Variants in INPP5B observed in about 807,000 individuals in gnomAD.
INPP5B encodes the protein type II inositol 1,4,5-trisphosphate 5-phosphatase.
Under a neutral mutation model 118.5 loss-of-function variants are expected in INPP5B, and 90 were observed. That is an observed-to-expected ratio of 0.76 (90% CI 0.64 to 0.90). The LOEUF (loss-of-function observed/expected upper bound fraction) is 0.90, where lower values mean the gene tolerates loss of function less well. Among genes scored for constraint, INPP5B ranks in the 40% least tolerant of loss-of-function variants. INPP5B has a pLI of 0.00. For synonymous variants in INPP5B, 385 were observed against 418.9 expected, an observed-to-expected ratio of 0.92 and a Z score of 0.99; for missense variants, 984 against 1,125.6, an observed-to-expected ratio of 0.87 and a Z score of 1.80.
chr1:37,901,792 T>A (rs913611298), intron 7 of INPP5B, among the ~76,000 whole-genome samples: 1 of 152,046 alleles, frequency 6.6e-6, no homozygotes, highest in Non-Finnish European at 1.5e-5. Flanking sequence ...CTTGACCAGA[T>A]TTGCCATTAC....
At chr1:37,946,229 C>T (rs377422148) in intron 2 of INPP5B, 23 bp downstream of exon 2, 35 of 1,603,352 alleles carry the variant, frequency 2.2e-5, no homozygotes, top group South Asian at 1.1e-4. Context: ...GGCTCAGGGC[C>T]GCAGTTAGCA....
At chr1:37,913,774 A>G (rs778505102) in intron 7 of INPP5B, among the ~76,000 whole-genome samples, 1 of 152,176 alleles carries the variant, frequency 6.6e-6, no homozygotes, top group Non-Finnish European at 1.5e-5. Flanking sequence ...TCTTATTAAT[A>G]TAAGAAGACA....
intron 13 of INPP5B, chr1:37,883,866 C>T (rs1237899129): frequency 1.0e-6 from 1 of 984,772 alleles, no homozygotes; most frequent in Admixed American, 6.2e-5. Context: ...TGGCTTCTTC[C>T]TCTTTATAAA....
chr1:37,931,915 C>T lies in INPP5B; in HGVS notation c.530G>A (p.Gly177Glu). The change falls in exon 7 of 24, where the codon GGA (glycine) becomes GAA (glutamate). Residue 177 changes from glycine to glutamate, a missense_variant and splice_region_variant. Gly to Glu is a moderately conservative substitution (Grantham distance 98, BLOSUM62 -2). Coordinates refer to ENST00000373024, the MANE Select transcript of INPP5B (RefSeq NM_005540.3). The part of the protein sequence containing the change: ...VTWPGYATIG[G>E]GGSNFDGLRP... ...TTTCTTCCGGGACGGATACCTGCCTCCGCCAATTGTCGCGTACCCTGGCCA... is the reference window on the plus strand; with the variant it reads ...TTTCTTCCGGGACGGATACCTGCCTTCGCCAATTGTCGCGTACCCTGGCCA... 6.2e-7 allele frequency: 1 copy of T among 1,614,084 alleles called. No individual in the cohort carries two copies. Among genetic ancestry groups the T allele is most frequent in the Non-Finnish European group, 8.5e-7 (1 of 1,180,042 alleles).
chr1:37,888,297 C>T lies in INPP5B; in HGVS notation c.845G>A (p.Cys282Tyr), dbSNP rs748094208. ...ACCATTGCTCAGCCACAGCCGGAGG[C>T]ATTCTTTGGGGGACTGCCCATTTAC... ...YNVNGQSPKE[C>Y]LRLWLSNGIQ... The change falls in exon 10 of 24, where the codon TGC becomes TAC. Residue 282 changes from cysteine to tyrosine, a missense_variant. Coordinates refer to ENST00000373024, the MANE Select transcript of INPP5B (RefSeq NM_005540.3). The T allele has an allele frequency of 1.3e-6, 2 of 1,580,010 alleles. No individual in the cohort carries two copies. The highest frequency in any genetic ancestry group is 1.7e-6 in the Non-Finnish European group (2 of 1,163,326).
chr1:37,932,180 G>C, intron 6 of INPP5B, 127 bp from the exon 7 acceptor site: 1 of 903,818 alleles, frequency 1.1e-6, no homozygotes, highest in Non-Finnish European at 1.6e-6. Context: ...GCGCACTGAG[G>C]TTCAAATGCA....
chr1:37,903,681 C>T (rs1233273709), intron 7 of INPP5B, among the ~76,000 whole-genome samples: 11 of 151,344 alleles, frequency 7.3e-5, no homozygotes, highest in African/African-American at 2.2e-4. Flanking sequence ...GAGCTGAGAT[C>T]GTGCCACTGC....
chr1:37,930,053 T>C (rs1645391054), intron 7 of INPP5B: 1 of 152,072 alleles, frequency 6.6e-6, no homozygotes, highest in South Asian at 2.1e-4. Flanking sequence ...TTTAAAACTA[T>C]TTATTTATTT....
rs1646010582 is a variant in INPP5B at position 37,943,549 on chromosome 1, C to G, written c.280+91G>C. 5 of 1,383,598 alleles carry G rather than the reference C, an allele frequency of 3.6e-6. No individual in the cohort carries two copies. The South Asian group carries it at 6.3e-5, about 17-fold the overall frequency. 85.7% of individuals were successfully genotyped at this position (1,383,598 alleles called of 1,614,324 possible). A position where few individuals can be genotyped will look rare whatever the true frequency, so the allele number is the denominator to read the frequency against. On this transcript the variant is annotated intron_variant, in intron 5 of 23. Coordinates refer to ENST00000373024, the MANE Select transcript of INPP5B (RefSeq NM_005540.3). ...GTCTTACTTGCTGCAATAAGTTTAG[C>G]AGGGGGTGCTCTTACTTTACACCAT...
intron 7 of INPP5B, among the ~76,000 whole-genome samples, chr1:37,896,568 C>A (rs1644086566): frequency 6.8e-6 from 1 of 146,860 alleles, no homozygotes; most frequent in African/African-American, 2.5e-5. Flanking sequence ...GCCCCTCTGC[C>A]CGGCCAGCCG....
At chr1:37,912,671 G>A (rs1364721933) in intron 7 of INPP5B, among the ~76,000 whole-genome samples, 4 of 152,004 alleles carry the variant, frequency 2.6e-5, no homozygotes, top group African/African-American at 7.3e-5. Flanking sequence ...TCCCCAATCC[G>A]CCACTCTTGA....
intron 19 of INPP5B, among the ~76,000 whole-genome samples, chr1:37,871,575 C>T (rs1408269090): frequency 1.3e-5 from 2 of 152,062 alleles, no homozygotes; most frequent in Non-Finnish European, 2.9e-5. Context: ...CAAGACCAGC[C>T]CGGCCGACAT....
Position 37,864,317 on chromosome 1 carries a change from A to G in INPP5B, c.2621T>C (p.Ile874Thr), listed in dbSNP as rs1569932882. ...NSAKNHLDEN[I>T]LASIFGSLLL... The stretch of plus-strand genomic sequence containing the variant: ...ATAGACATTTGGCTGCTTACCTAGA[A>G]TATTCTCATCCAAATGATTTTTTGC... Residue 874 changes from isoleucine to threonine, a missense_variant, in exon 23 of 24, where the codon ATT becomes ACT. Physicochemically the swap from Ile to Thr is moderately conservative, Grantham distance 89 (BLOSUM62 -1). Around this residue, in one of 2 missense-constraint regions of INPP5B, gnomAD observed 634 missense variants for 791.0 expected, o/e 0.80. Coordinates refer to ENST00000373024, the MANE Select transcript of INPP5B (RefSeq NM_005540.3). 1.3e-6 allele frequency: 2 copies of G among 1,576,052 alleles called. No individual in the cohort carries two copies. Among genetic ancestry groups the G allele is most frequent in the Non-Finnish European group, 1.7e-6 (2 of 1,146,284 alleles).
intron 16 of INPP5B, among the ~76,000 whole-genome samples, chr1:37,877,726 C>T (rs1049563285): frequency 4.6e-5 from 7 of 152,220 alleles, no homozygotes; most frequent in Admixed American, 2.0e-4. Context: ...TCAATACATA[C>T]ATTATGGCTC....
chr1:37,933,320 G>A (rs1192348176), intron 6 of INPP5B, among the ~76,000 whole-genome samples: 2 of 151,802 alleles, frequency 1.3e-5, no homozygotes, highest in African/African-American at 4.8e-5. Context: ...AGGCTGAGGC[G>A]GGCAGATCAC....
At chr1:37,874,363 T>C (rs1156805389) in intron 17 of INPP5B, among the ~76,000 whole-genome samples, 1 of 152,246 alleles carries the variant, frequency 6.6e-6, no homozygotes, top group African/African-American at 2.4e-5. Flanking sequence ...CCGTTTGTTT[T>C]TGTATGTCTA....
intron 23 of INPP5B, among the ~76,000 whole-genome samples, chr1:37,863,385 C>T (rs572236717): frequency 1.6e-4 from 25 of 151,862 alleles, no homozygotes; most frequent in African/African-American, 4.1e-4. Flanking sequence ...CATGGTGGTG[C>T]GCGCCTGTAG....
chr1:37,874,354 C>T (rs1420161352), intron 17 of INPP5B, among the ~76,000 whole-genome samples, 199 bp from the exon 18 acceptor site: 1 of 152,190 alleles, frequency 6.6e-6, no homozygotes, highest in Non-Finnish European at 1.5e-5. Flanking sequence ...CCAAAAATTC[C>T]GTTTGTTTTT....
At chr1:37,931,524 CA>C (rs1301726133) in intron 7 of INPP5B, 4 of 1,535,802 alleles carry the variant, frequency 2.6e-6, no homozygotes, top group Non-Finnish European at 3.5e-6. Context: ...ACTTCTGCCC[CA>C]GTGTCCCAGC....
Sources: gnomAD v4.1 joint callset for allele counts (sites outside exome capture counted in the v4.1 genomes callset) on GRCh38, gnomAD v4.1.1 for gene constraint, gnomAD v4.1.1 regional missense constraint, MANE v1.5 for transcripts, NCBI Gene and HGNC (gene_info 2026-07-23, HGNC 2026-07-21) for gene names.